The following TMEM131 variants were observed in gnomAD, a reference collection of about 807,000 sequenced individuals.
TMEM131 encodes 2610524E03Rik.
A neutral mutation model predicts 211.6 loss-of-function variants in TMEM131; 66 were observed. The observed-to-expected ratio is 0.31, with a 90% CI of 0.26 to 0.38. The LOEUF (loss-of-function observed/expected upper bound fraction) is 0.38, where lower values mean the gene tolerates loss of function less well. Ranked by LOEUF, TMEM131 falls within the 10% of genes least tolerant of loss-of-function variation. TMEM131 has a pLI of 1.00. For synonymous variants in TMEM131, 844 were observed against 841.3 expected, an observed-to-expected ratio of 1.00 and a Z score of -0.06; for missense variants, 2,036 against 2,299.3, an observed-to-expected ratio of 0.89 and a Z score of 2.34.
rs755781834 is a variant in TMEM131 at position 97,792,474 on chromosome 2, T to C, written c.4056A>G (p.Glu1352=). ...SEDSDITSLI[E]AMDKDFDHHD... ...GGTGGTCGAAGTCTTTGTCCATGGC[T>C]TCTATGAGACTGGTGATGTCCGAGT... The change falls in exon 31 of 41, where the codon GAA becomes GAG. Residue 1352 remains glutamate, a synonymous_variant. Transcript: ENST00000186436. 4.3e-6 allele frequency: 7 copies of C among 1,613,798 alleles called. No individual in the cohort carries two copies. Among genetic ancestry groups the C allele is most frequent in the Non-Finnish European group, 5.9e-6 (7 of 1,179,822 alleles).
At chr2:97,758,263 C>T (rs1365522637) in intron 40 of TMEM131, among the ~76,000 whole-genome samples, 1 of 152,108 alleles carries the variant, frequency 6.6e-6, no homozygotes, top group Non-Finnish European at 1.5e-5. Flanking sequence ...TGTTATAAAA[C>T]CTTGCATGTT....
chr2:97,968,047 C>G (rs1221010517), intron 1 of TMEM131, among the ~76,000 whole-genome samples: 1 of 152,066 alleles, frequency 6.6e-6, no homozygotes, highest in East Asian at 1.9e-4. Context: ...ACACTAAGTC[C>G]TGTCCCCAGC....
At chr2:97,895,263 T>A (rs759168649) in intron 3 of TMEM131, among the ~76,000 whole-genome samples, 2 of 152,208 alleles carry the variant, frequency 1.3e-5, no homozygotes, top group Admixed American at 1.3e-4. Flanking sequence ...TGGTGCTGGA[T>A]TTGGTTTGCC....
chr2:97,792,684 C>T lies in TMEM131; in HGVS notation c.3846G>A (p.Gly1282=). The T allele has an allele frequency of 6.2e-7, 1 of 1,614,008 alleles. No individual in the cohort carries two copies. Among genetic ancestry groups the T allele is most frequent in the Non-Finnish European group, 8.5e-7 (1 of 1,179,894 alleles). The change falls in exon 31 of 41, where the codon GGG becomes GGA. Residue 1282 remains glycine, a synonymous_variant. Coordinates refer to ENST00000186436, the MANE Select transcript of TMEM131 (RefSeq NM_015348.2). ...GGCTGCCGTGCTGGCTCTGCTTTGC[C>T]CCTTTGGACTTTCTGCCCGCTGTAT... ...QGHTAGRKSK[G]AKQSQHGSQH... is the part of the protein sequence containing the mutation.
chr2:97,927,087 TCA>T (rs1188460517), intron 2 of TMEM131, among the ~76,000 whole-genome samples: 2 of 152,228 alleles, frequency 1.3e-5, no homozygotes, highest in Non-Finnish European at 2.9e-5. Flanking sequence ...CAGTTTTTAT[TCA>T]GTTTTAAAAC....
intron 2 of TMEM131, among the ~76,000 whole-genome samples, chr2:97,926,516 T>A (rs930858700): frequency 2.0e-5 from 3 of 152,232 alleles, no homozygotes; most frequent in Non-Finnish European, 4.4e-5. Flanking sequence ...CTACATTATA[T>A]AGCATCTCAA....
Position 97,888,045 on chromosome 2 carries a change from A to C in TMEM131, c.359+7T>G, listed in dbSNP as rs1380610570. On this transcript the variant is annotated splice_region_variant and intron_variant, in intron 4 of 40. Transcript: ENST00000186436. ...GGGAAAGTACAGTCCAAAAATTTTA[A>C]ACTTACTGTTCATGGAAATCCAGCA... The C allele has an allele frequency of 1.9e-6, 3 of 1,611,800 alleles. No homozygotes were observed. The African/African-American group carries it at 4.0e-5, about 22-fold the overall frequency.
intron 11 of TMEM131, among the ~76,000 whole-genome samples, chr2:97,822,179 T>C (rs1055807600): frequency 6.6e-6 from 1 of 152,168 alleles, no homozygotes; most frequent in South Asian, 2.1e-4. Context: ...TGATTTCCAG[T>C]ATAAACTCCA....
chr2:97,809,662 A>G, intron 19 of TMEM131, 26 bp downstream of exon 19: 3 of 1,576,042 alleles, frequency 1.9e-6, no homozygotes, highest in Non-Finnish European at 2.6e-6. Flanking sequence ...CGAGCAATAG[A>G]AAAATGTGTG....
chr2:97,854,060 T>C (rs956530543), intron 5 of TMEM131, among the ~76,000 whole-genome samples: 4 of 152,158 alleles, frequency 2.6e-5, no homozygotes, highest in Non-Finnish European at 5.9e-5. Context: ...GAGAAATCTT[T>C]TGTGAAAAGA....
chr2:97,886,938 G>A (rs1281674193), intron 4 of TMEM131, among the ~76,000 whole-genome samples: 8 of 152,222 alleles, frequency 5.3e-5, no homozygotes, highest in Non-Finnish European at 5.9e-5. Flanking sequence ...ATAGGAGCCC[G>A]CTGAGGCTGC....
rs1394070557 is a variant in TMEM131, at chr2:97,811,147, T to C, written c.1949A>G (p.Gln650Arg). 6.2e-6 allele frequency: 10 copies of C among 1,613,486 alleles called. No homozygotes were observed. The highest frequency in any genetic ancestry group is 8.5e-6 in the Non-Finnish European group (10 of 1,179,562). ...KLEGIHDGAI[Q>R]ITTDYEILTI... is the part of the protein sequence containing the mutation. ...CCTTACCTCATAGTCTGTTGTGATC[T>C]GGATGGCTCCATCATGAATCCCCTC... The change falls in exon 18 of 41, where the codon CAG becomes CGG. Residue 650 changes from glutamine (Q) to arginine (R), a missense_variant. Coordinates refer to ENST00000186436, the MANE Select transcript of TMEM131 (RefSeq NM_015348.2).
intron 1 of TMEM131, among the ~76,000 whole-genome samples, chr2:97,952,086 G>C (rs963797477): frequency 2.6e-5 from 4 of 151,990 alleles, no homozygotes; most frequent in Admixed American, 1.3e-4. Context: ...GAACCCGGGA[G>C]GCGGAGGGTG....
Position 97,805,076 on chromosome 2 carries a change from T to C in TMEM131, c.2402+12A>G. The C allele has an allele frequency of 6.4e-7, 1 of 1,561,842 alleles. No individual in the cohort carries two copies. The highest frequency in any genetic ancestry group is 8.7e-7 in the Non-Finnish European group (1 of 1,146,768). On this transcript the variant is annotated intron_variant, in intron 22 of 40. Transcript: ENST00000186436. ...TAAAGATGGCTAAAATAAATAAACA[T>C]AAACCACTCACCTATGACCTGAATT... is the stretch of plus-strand genomic sequence containing the variant.
intron 1 of TMEM131, among the ~76,000 whole-genome samples, chr2:97,969,805 T>C (rs1679219144): frequency 6.6e-6 from 1 of 152,254 alleles, no homozygotes; most frequent in Non-Finnish European, 1.5e-5. Context: ...TCTTACTTTA[T>C]TAATAAGCAG....
At chr2:97,938,263 T>C (rs1677541571) in intron 1 of TMEM131, among the ~76,000 whole-genome samples, 1 of 152,148 alleles carries the variant, frequency 6.6e-6, no homozygotes, top group Admixed American at 6.5e-5. Context: ...GACCCATCAG[T>C]GTGCTGTATT....
intron 1 of TMEM131, among the ~76,000 whole-genome samples, chr2:97,987,469 C>T (rs1411681171): frequency 2.0e-5 from 3 of 152,106 alleles, no homozygotes; most frequent in Non-Finnish European, 4.4e-5. Flanking sequence ...CACCACTGTA[C>T]TCCAGCCTGG....
At chr2:97,994,825 G>T (rs547924741) in intron 1 of TMEM131, among the ~76,000 whole-genome samples, 29 of 152,290 alleles carry the variant, frequency 1.9e-4, no homozygotes, top group African/African-American at 7.0e-4. Context: ...ATAGATAAAT[G>T]CTTGCAAGCT....
chr2:97,922,500 T>C (rs1676785206), intron 2 of TMEM131, among the ~76,000 whole-genome samples: 3 of 152,148 alleles, frequency 2.0e-5, no homozygotes, highest in Admixed American at 6.5e-5. Flanking sequence ...AATACATAAA[T>C]TGGGGCATAT....
Sources: gnomAD v4.1 joint callset for allele counts (sites outside exome capture counted in the v4.1 genomes callset) on GRCh38, gnomAD v4.1.1 for gene constraint, MANE v1.5 for transcripts, NCBI Gene and HGNC (gene_info 2026-07-23, HGNC 2026-07-21) for gene names.